The following POU3F4 variants were observed in gnomAD, a reference collection of about 807,000 sequenced individuals.
POU3F4 encodes the protein POU domain, class 3, transcription factor 4.
A neutral mutation model predicts 15.2 loss-of-function variants in POU3F4; 2 were observed. That is an observed-to-expected ratio of 0.13 (90% CI 0.05 to 0.42). POU3F4 has a LOEUF of 0.42. Among genes scored for constraint, POU3F4 ranks in the 10% least tolerant of loss-of-function variants. POU3F4 has a pLI of 0.99. For synonymous variants in POU3F4, 158 were observed against 133.3 expected, an observed-to-expected ratio of 1.19 and a Z score of -1.28; for missense variants, 220 against 297.0, an observed-to-expected ratio of 0.74 and a Z score of 1.91.
chrX:83,511,587 ACT>A lies in POU3F4; in HGVS notation c.*2178_*2179del. On this transcript the variant is annotated 3_prime_UTR_variant, in exon 1 of 1. Coordinates refer to ENST00000644024, the MANE Select transcript of POU3F4 (RefSeq NM_000307.5). The stretch of plus-strand genomic sequence containing the variant: ...GTTAATTCAAATCCCGGACCCTTCT[ACT>A]TTTTTGTCAAGTCTCTGCATTCTGT... The A allele has an allele frequency of 8.9e-6, 1 of 112,320 alleles. No homozygotes were observed. The highest frequency in any genetic ancestry group is 1.9e-5 in the Non-Finnish European group (1 of 53,277). 9.3% of individuals were successfully genotyped at this position (112,320 alleles called of 1,213,427 possible).
At position 83,508,750 on chromosome X, in the gene POU3F4, C is replaced by T; in HGVS notation, c.426C>T (p.Ser142=). The change falls in exon 1 of 1, where the codon AGC becomes AGT. Residue 142 remains serine (S), a synonymous_variant. Coordinates refer to ENST00000644024, the MANE Select transcript of POU3F4 (RefSeq NM_000307.5). Reference sequence around the variant, plus strand: ...ACTCGCAGCCTGGCTTCACCGTGAGCGGCATGCTGGAACACGGGGGACTCA... The same window carrying T: ...ACTCGCAGCCTGGCTTCACCGTGAGTGGCATGCTGGAACACGGGGGACTCA... ...NVYSQPGFTV[S]GMLEHGGLTP... 1 of 1,207,164 alleles carries T rather than the reference C, an allele frequency of 8.3e-7. No individual in the cohort carries two copies.
At position 83,511,801 on chromosome X, in the gene POU3F4, C is replaced by T. The variant is rs1925917845; in HGVS notation, c.*2391C>T. On this transcript the variant is annotated 3_prime_UTR_variant, in exon 1 of 1. Transcript: ENST00000644024. ...TAACTGTACAGTTTTGTATATTAAACGTTTTTGAAGTTATTAATTTAAAGA... is the reference window on the plus strand; with the variant it reads ...TAACTGTACAGTTTTGTATATTAAATGTTTTTGAAGTTATTAATTTAAAGA... The T allele has an allele frequency of 8.9e-6, 1 of 111,869 alleles. No homozygotes were observed. The highest frequency in any genetic ancestry group is 9.5e-5 in the Admixed American group (1 of 10,577). The allele number at this position is 111,869 out of a possible 1,213,427, so 9.2% of individuals were successfully genotyped here. A position where few individuals can be genotyped will look rare whatever the true frequency, so the allele number is the denominator to read the frequency against.
At position 83,509,951 on chromosome X, in the gene POU3F4, G is replaced by A. The variant is rs1420909128; in HGVS notation, c.*541G>A. ...TAGGAAGAACAAGGAGTGGGATAAC[G>A]TGGGGGCGGGGTGGGGCGGGGGAGG... On this transcript the variant is annotated 3_prime_UTR_variant, in exon 1 of 1. Coordinates refer to ENST00000644024, the MANE Select transcript of POU3F4 (RefSeq NM_000307.5). 1 of 105,980 alleles carries A rather than the reference G, an allele frequency of 9.4e-6. No homozygotes were observed. The highest frequency in any genetic ancestry group is 2.0e-5 in the Non-Finnish European group (1 of 51,281). 8.7% of individuals were successfully genotyped at this position (105,980 alleles called of 1,213,427 possible).
Position 83,511,326 on chromosome X carries a change from T to C in POU3F4, c.*1916T>C, listed in dbSNP as rs1312181498. ...ACCTCATTCCCAAGGAGCACACACG[T>C]GTGAGGCCGGCCAAGCACCCAACAC... On this transcript the variant is annotated 3_prime_UTR_variant, in exon 1 of 1. Coordinates refer to ENST00000644024, the MANE Select transcript of POU3F4 (RefSeq NM_000307.5). 9.0e-6 allele frequency: 1 copy of C among 110,661 alleles called. No homozygotes were observed. Among genetic ancestry groups the C allele is most frequent in the Non-Finnish European group, 1.9e-5 (1 of 52,880 alleles). 9.1% of individuals were successfully genotyped at this position (110,661 alleles called of 1,213,427 possible). A position where few individuals can be genotyped will look rare whatever the true frequency, so the allele number is the denominator to read the frequency against.
In POU3F4 at chrX:83,508,291, C is replaced by T; in HGVS notation, c.-34C>T. The T allele has an allele frequency of 1.7e-6, 2 of 1,211,669 alleles. No homozygotes were observed. The highest frequency in any genetic ancestry group is 2.2e-6 in the Non-Finnish European group (2 of 895,307). ...TCAAAGGCTGAAGCTGCTCCCTTTGCCACATTATAACTAGTAGGGGATCCT... is the reference window on the plus strand; with the variant it reads ...TCAAAGGCTGAAGCTGCTCCCTTTGTCACATTATAACTAGTAGGGGATCCT... On this transcript the variant is annotated 5_prime_UTR_variant, in exon 1 of 1. Transcript: ENST00000644024.
Position 83,509,652 on chromosome X carries a change from C to T in POU3F4, c.*242C>T, listed in dbSNP as rs1040541032. On this transcript the variant is annotated 3_prime_UTR_variant, in exon 1 of 1. Coordinates refer to ENST00000644024, the MANE Select transcript of POU3F4 (RefSeq NM_000307.5). ...TTCCTTTCCCCTTCCCTTCCCTTCC[C>T]TTCCATCTCTTCCTTTCCTTTCCTT... 5 of 420,994 alleles carry T rather than the reference C, an allele frequency of 1.2e-5. No individual in the cohort carries two copies. The South Asian group carries it at 1.7e-4, about 14-fold the overall frequency. The allele number at this position is 420,994 out of a possible 1,213,427, so 34.7% of individuals were successfully genotyped here. A position where few individuals can be genotyped will look rare whatever the true frequency, so the allele number is the denominator to read the frequency against.
chrX:83,512,044 T>C lies in POU3F4; in HGVS notation c.*2634T>C, dbSNP rs1217044465. 2.7e-5 allele frequency: 3 copies of C among 112,525 alleles called. No individual in the cohort carries two copies. The Admixed American group carries it at 2.8e-4, about 11-fold the overall frequency. The allele number at this position is 112,525 out of a possible 1,213,427, so 9.3% of individuals were successfully genotyped here. On this transcript the variant is annotated 3_prime_UTR_variant, in exon 1 of 1. Coordinates refer to ENST00000644024, the MANE Select transcript of POU3F4 (RefSeq NM_000307.5). ...CGCTGTAATGTTTGATGTGAAGTTT[T>C]AGTCAAGGGGTTTATATTGACGCAA...
rs756127565 is a variant in POU3F4, at chrX:83,509,420, G to T, written c.*10G>T. The T allele has an allele frequency of 3.4e-6, 4 of 1,192,631 alleles. No individual in the cohort carries two copies. The highest frequency in any genetic ancestry group is 4.6e-4 in the Middle Eastern group (2 of 4,322). On this transcript the variant is annotated 3_prime_UTR_variant, in exon 1 of 1. Transcript: ENST00000644024. ...TTGCCATGATCTCTGACTGGAGGAA[G>T]CGAGGAGGCGGCCGGCCGCACTGGG...
chrX:83,509,529 C>CGCTCTCTCGT lies in POU3F4; in HGVS notation c.*120_*129dup, dbSNP rs1335204621. 2.0e-6 allele frequency: 2 copies of CGCTCTCTCGT among 1,011,125 alleles called. No individual in the cohort carries two copies. Among genetic ancestry groups the CGCTCTCTCGT allele is most frequent in the Non-Finnish European group, 2.7e-6 (2 of 738,427 alleles). The allele number at this position is 1,011,125 out of a possible 1,213,427, so 83.3% of individuals were successfully genotyped here. A position where few individuals can be genotyped will look rare whatever the true frequency, so the allele number is the denominator to read the frequency against. ...TATTTTTCTCTCTCTCTCGTTCGCT[C>CGCTCTCTCGT]GCTCTCTCGTACTCTCTCTCTTTTC... On this transcript the variant is annotated 3_prime_UTR_variant, in exon 1 of 1. Transcript: ENST00000644024.
Position 83,508,424 on chromosome X carries a change from C to A in POU3F4, c.100C>A (p.Pro34Thr). ...GMQQGSPFRN[P>T]QKLLQSDYLQ... Reference sequence around the variant, plus strand: ...GCAGCAGGGGAGTCCTTTCCGCAACCCTCAGAAACTTCTCCAAAGTGATTA... The same window carrying A: ...GCAGCAGGGGAGTCCTTTCCGCAACACTCAGAAACTTCTCCAAAGTGATTA... Residue 34 changes from proline (P) to threonine (T), a missense_variant, in exon 1 of 1, where the codon CCT becomes ACT. Pro to Thr is a conservative substitution (Grantham distance 38). This residue lies in a region of POU3F4 where 161 missense variants were observed against 154.1 expected (regional missense o/e 1.05). Coordinates refer to ENST00000644024, the MANE Select transcript of POU3F4 (RefSeq NM_000307.5). The A allele has an allele frequency of 8.3e-7, 1 of 1,211,626 alleles. No homozygotes were observed. Among genetic ancestry groups the A allele is most frequent in the Middle Eastern group, 2.3e-4 (1 of 4,354 alleles).
Position 83,509,322 on chromosome X carries a change from A to G in POU3F4, c.998A>G (p.Glu333Gly). The G allele has an allele frequency of 8.3e-7, 1 of 1,211,266 alleles. No homozygotes were observed. The highest frequency in any genetic ancestry group is 1.8e-5 in the South Asian group (1 of 56,801). Reference protein sequence around the residue: ...RVWFCNRRQKEKRMTPPGDQQ... With the variant: ...RVWFCNRRQKGKRMTPPGDQQ... ...TGGTTCTGTAATCGAAGACAAAAAG[A>G]GAAAAGAATGACTCCGCCAGGGGAT... The change falls in exon 1 of 1, where the codon GAG becomes GGG. Residue 333 changes from glutamate to glycine, a missense_variant. This residue lies in a region of POU3F4 where 19 missense variants were observed against 22.9 expected (regional missense o/e 0.83). Transcript: ENST00000644024.
rs1266392022 is a variant in POU3F4, at chrX:83,509,168, C to A, written c.844C>A (p.Arg282=). 2 of 1,211,430 alleles carry A rather than the reference C, an allele frequency of 1.7e-6. No homozygotes were observed. Among genetic ancestry groups the A allele is most frequent in the Non-Finnish European group, 2.2e-6 (2 of 895,164 alleles). The part of the protein sequence containing the change: ...IAAQGRKRKK[R]TSIEVSVKGV... ...TGCACAGGGCCGCAAGCGCAAGAAG[C>A]GGACCTCCATCGAGGTGAGTGTCAA... The change falls in exon 1 of 1, where the codon CGG becomes AGG. Residue 282 remains arginine (R), a synonymous_variant. Coordinates refer to ENST00000644024, the MANE Select transcript of POU3F4 (RefSeq NM_000307.5).
chrX:83,509,457 T>C lies in POU3F4; in HGVS notation c.*47T>C. ...CCGGCCGCACTGGGAGCAGCGCGGA[T>C]TTCTCTTTCTCTCTCACTCTCTTCC... On this transcript the variant is annotated 3_prime_UTR_variant, in exon 1 of 1. Transcript: ENST00000644024. 8.6e-7 allele frequency: 1 copy of C among 1,168,338 alleles called. No individual in the cohort carries two copies. The highest frequency in any genetic ancestry group is 1.1e-6 in the Non-Finnish European group (1 of 870,938).
chrX:83,510,416 T>C lies in POU3F4; in HGVS notation c.*1006T>C, dbSNP rs1383755676. 3 of 110,667 alleles carry C rather than the reference T, an allele frequency of 2.7e-5. No individual in the cohort carries two copies. Among genetic ancestry groups the C allele is most frequent in the Non-Finnish European group, 5.7e-5 (3 of 52,818 alleles). The allele number at this position is 110,667 out of a possible 1,213,427, so 9.1% of individuals were successfully genotyped here. A position where few individuals can be genotyped will look rare whatever the true frequency, so the allele number is the denominator to read the frequency against. On this transcript the variant is annotated 3_prime_UTR_variant, in exon 1 of 1. Transcript: ENST00000644024. ...AGGAAGGGCAGAATAGGGAAGCCTA[T>C]TAGGTTTGCAAACTAGTGCGAAGTA...
chrX:83,508,519 C>A lies in POU3F4; in HGVS notation c.195C>A (p.Gly65=). 1 of 1,203,207 alleles carries A rather than the reference C, an allele frequency of 8.3e-7. No individual in the cohort carries two copies. The highest frequency in any genetic ancestry group is 1.1e-6 in the Non-Finnish European group (1 of 890,966). Reference sequence around the variant, plus strand: ...GGGTGACCAGTCTGAGCGACGGGGGCCCATGGTCCTCCACACTGGCCACCA... The same window carrying A: ...GGGTGACCAGTCTGAGCGACGGGGGACCATGGTCCTCCACACTGGCCACCA... ...HHWVTSLSDG[G]PWSSTLATSP... Residue 65 remains glycine, a synonymous_variant, in exon 1 of 1, where the codon GGC becomes GGA. Transcript: ENST00000644024.
rs765320605 is a variant in POU3F4 at position 83,508,696 on chromosome X, C to T, written c.372C>T (p.Ile124=). ...WGASPAPNPS[I]TSSGQPLNVY... ...CCAGCCCGGCACCGAACCCGTCTAT[C>T]ACGTCAAGCGGCCAACCCCTCAACG... The change falls in exon 1 of 1, where the codon ATC becomes ATT. Residue 124 remains isoleucine, a synonymous_variant. Transcript: ENST00000644024. The T allele has an allele frequency of 8.3e-7, 1 of 1,211,739 alleles. No individual in the cohort carries two copies. The highest frequency in any genetic ancestry group is 3.0e-5 in the East Asian group (1 of 33,801).
chrX:83,510,190 A>G lies in POU3F4; in HGVS notation c.*780A>G, dbSNP rs1461221875. 9.1e-6 allele frequency: 1 copy of G among 110,280 alleles called. No homozygotes were observed. The highest frequency in any genetic ancestry group is 3.3e-5 in the African/African-American group (1 of 30,280). 9.1% of individuals were successfully genotyped at this position (110,280 alleles called of 1,213,427 possible). A position where few individuals can be genotyped will look rare whatever the true frequency, so the allele number is the denominator to read the frequency against. ...TCGACCACTCCATGTTATTATTGCT[A>G]TTATTATTACTACTTCGTTGAGCTG... is the stretch of plus-strand genomic sequence containing the variant. On this transcript the variant is annotated 3_prime_UTR_variant, in exon 1 of 1. Transcript: ENST00000644024.
chrX:83,509,350 GCAGCCGCATGAGGTTTATTCGCACAC>G lies in POU3F4; in HGVS notation c.1028_1053del (p.Gln343ArgfsTer9). 8.3e-7 allele frequency: 1 copy of G among 1,208,902 alleles called. No individual in the cohort carries two copies. Among genetic ancestry groups the G allele is most frequent in the Non-Finnish European group, 1.1e-6 (1 of 893,909 alleles). On this transcript the variant is annotated frameshift_variant, in exon 1 of 1. Coordinates refer to ENST00000644024, the MANE Select transcript of POU3F4 (RefSeq NM_000307.5). LOFTEE classifies it high-confidence loss of function. ...AAAGAATGACTCCGCCAGGGGATCAGCAGCCGCATGAGGTTTATTCGCACACCGTGAAAACAGACACATCTTGCCAT... is the reference window on the plus strand; with the variant it reads ...AAAGAATGACTCCGCCAGGGGATCAGCGTGAAAACAGACACATCTTGCCAT...
At position 83,509,499 on chromosome X, in the gene POU3F4, TTTA is replaced by T; in HGVS notation, c.*95_*97del. The T allele has an allele frequency of 8.9e-7, 1 of 1,122,726 alleles. No individual in the cohort carries two copies. Among genetic ancestry groups the T allele is most frequent in the South Asian group, 2.0e-5 (1 of 50,843 alleles). 92.5% of individuals were successfully genotyped at this position (1,122,726 alleles called of 1,213,427 possible). A position where few individuals can be genotyped will look rare whatever the true frequency, so the allele number is the denominator to read the frequency against. ...CTCTCTTCCTTTCATTCTAGTATTC[TTTA>T]TTATTTTTCTCTCTCTCTCGTTCGC... On this transcript the variant is annotated 3_prime_UTR_variant, in exon 1 of 1. Transcript: ENST00000644024.
Sources: allele counts gnomAD v4.1 joint callset, GRCh38; gene constraint gnomAD v4.1.1; regional missense constraint gnomAD v4.1.1; transcripts MANE v1.5; gene names NCBI Gene and HGNC (gene_info 2026-07-23, HGNC 2026-07-21).